The following ADGRV1 variants were observed in gnomAD, a reference collection of about 807,000 sequenced individuals.
ADGRV1 encodes adhesion G protein-coupled receptor V1.
ADGRV1 carries 359 observed loss-of-function variants against 596.2 expected under a neutral mutation model. That is an observed-to-expected ratio of 0.60 (90% CI 0.55 to 0.66). ADGRV1 has a LOEUF of 0.66. ADGRV1 is among the 30% of genes least tolerant of loss of function. The pLI is 0.00. For missense variants in ADGRV1, 7,274 were observed against 7,575.6 expected (o/e 0.96, Z 1.48); for synonymous variants, 2,681 against 2,679.2 (o/e 1.00, Z -0.02).
intron 85 of ADGRV1, among the ~76,000 whole-genome samples, chr5:91,043,887 A>T (rs1581882456): frequency 1.3e-5 from 2 of 151,604 alleles, no homozygotes; most frequent in South Asian, 2.1e-4. Flanking sequence ...TATTTTTTTT[A>T]AAACCTTGAC....
chr5:90,588,282 T>C (rs758905880), intron 1 of ADGRV1, among the ~76,000 whole-genome samples: 9 of 152,224 alleles, frequency 5.9e-5, no homozygotes, highest in Non-Finnish European at 1.3e-4. Context: ...GTGAGCATTC[T>C]CTGAATATAC....
Position 90,647,888 on chromosome 5 carries a change from A to AATTAT in ADGRV1, c.3289+125_3289+129dup. 3 of 767,566 alleles carry AATTAT rather than the reference A, an allele frequency of 3.9e-6. No individual in the cohort carries two copies. In the East Asian group the frequency reaches 7.9e-5, roughly 20 times the overall value. The allele number at this position is 767,566 out of a possible 1,614,324, so 47.5% of individuals were successfully genotyped here. A position where few individuals can be genotyped will look rare whatever the true frequency, so the allele number is the denominator to read the frequency against. ...CTACATTTGTACTATTCAAGAGTAA[A>AATTAT]ATTATTTCATTGCTTTCTTGAGAAA... On this transcript the variant is annotated intron_variant, in intron 17 of 89. Coordinates refer to ENST00000405460, the MANE Select transcript of ADGRV1 (RefSeq NM_032119.4).
intron 83 of ADGRV1, among the ~76,000 whole-genome samples, chr5:90,963,024 A>G (rs1469618984): frequency 1.3e-5 from 2 of 152,214 alleles, no homozygotes; most frequent in Non-Finnish European, 2.9e-5. Flanking sequence ...AACATATTCA[A>G]TTATAATTTG....
chr5:90,624,771 C>T (rs540812840), intron 5 of ADGRV1, among the ~76,000 whole-genome samples: 5 of 152,250 alleles, frequency 3.3e-5, no homozygotes, highest in African/African-American at 1.2e-4. Flanking sequence ...TTCTTCACAT[C>T]TTCACATCCA....
Position 90,651,636 on chromosome 5 carries a change from A to G in ADGRV1, c.3322A>G (p.Thr1108Ala), listed in dbSNP as rs1161827715. The part of the protein sequence containing the change: ...DTVVYQYGVA[T>A]VIIEANDDPN... ...AGTAGTATATCAATATGGAGTAGCT[A>G]CAGTAATAATTGAAGCTAATGATGA... The change falls in exon 18 of 90, where the codon ACA becomes GCA. Residue 1108 changes from threonine (T) to alanine (A), a missense_variant. This residue lies in a region of ADGRV1 where 1,715 missense variants were observed against 1,708.8 expected (regional missense o/e 1.00). Coordinates refer to ENST00000405460, the MANE Select transcript of ADGRV1 (RefSeq NM_032119.4). 2 of 1,603,820 alleles carry G rather than the reference A, an allele frequency of 1.2e-6. No homozygotes were observed. The highest frequency in any genetic ancestry group is 3.3e-5 in the Admixed American group (2 of 59,888).
chr5:91,134,027 C>A (rs555796945), intron 87 of ADGRV1, among the ~76,000 whole-genome samples: 1 of 152,036 alleles, frequency 6.6e-6, no homozygotes, highest in Admixed American at 6.6e-5. Context: ...CTATATCAAG[C>A]CTATTAATTT....
chr5:90,931,395 C>T (rs1041923704), intron 83 of ADGRV1, among the ~76,000 whole-genome samples: 14 of 152,174 alleles, frequency 9.2e-5, no homozygotes, highest in Non-Finnish European at 4.4e-5. Flanking sequence ...ATGTATCCAG[C>T]TCACTTAATG....
At chr5:90,884,648 G>A (rs1770112481) in intron 83 of ADGRV1, among the ~76,000 whole-genome samples, 1 of 152,130 alleles carries the variant, frequency 6.6e-6, no homozygotes, top group Non-Finnish European at 1.5e-5. Context: ...TCTTCCTTAT[G>A]TGCTTTGTGA....
chr5:90,811,543 A>G (rs1490442389), intron 74 of ADGRV1, among the ~76,000 whole-genome samples: 2 of 152,152 alleles, frequency 1.3e-5, no homozygotes, highest in East Asian at 1.9e-4. Context: ...TTAATGTACT[A>G]TAAATGTCAC....
chr5:91,158,428 TG>T (rs1796650738), intron 89 of ADGRV1, among the ~76,000 whole-genome samples: 1 of 152,182 alleles, frequency 6.6e-6, no homozygotes, highest in Admixed American at 6.5e-5. Flanking sequence ...ACCTACAAGG[TG>T]GAAAAAAGTT....
At chr5:90,808,137 C>T (rs1004042517) in intron 73 of ADGRV1, among the ~76,000 whole-genome samples, 2 of 152,178 alleles carry the variant, frequency 1.3e-5, no homozygotes, top group African/African-American at 4.8e-5. Flanking sequence ...TTATTTGGAC[C>T]AGTGGCCCTT....
rs881288 is a variant in ADGRV1, at chr5:90,763,078, A to G, written c.12121-227A>G. On this transcript the variant is annotated intron_variant, in intron 58 of 89. Transcript: ENST00000405460. ...CTATTCTCTGGGTCAGAATTCAGTC[A>G]CATGCTCTACCTAATTGCAAGAGAA... 2,034 of 434,092 alleles carry G rather than the reference A, an allele frequency of 4.7e-3. 34 individuals are homozygous for G. Among genetic ancestry groups the G allele is most frequent in the African/African-American group, 0.035 (1,792 of 50,796 alleles). 26.9% of individuals were successfully genotyped at this position (434,092 alleles called of 1,614,324 possible).
Position 90,750,636 on chromosome 5 carries a change from G to A in ADGRV1, c.11060G>A (p.Arg3687His), listed in dbSNP as rs762481926. Residue 3687 changes from arginine (R) to histidine (H), a missense_variant, in exon 53 of 90, where the codon CGT (arginine) becomes CAT (histidine). Physicochemically the swap from Arg to His is conservative, Grantham distance 29 (BLOSUM62 0). Around this residue, in one of 5 missense-constraint regions of ADGRV1, gnomAD observed 3,643 missense variants for 3,809.2 expected, o/e 0.96. Coordinates refer to ENST00000405460, the MANE Select transcript of ADGRV1 (RefSeq NM_032119.4). ...NVERLKGTYG[R>H]ITIAWEADGS... ...GAACGCTTAAAAGGAACATATGGCC[G>A]TATAACCATAGCATGGGAAGCTGAT... is the stretch of plus-strand genomic sequence containing the variant. 49 of 1,611,538 alleles carry A rather than the reference G, an allele frequency of 3.0e-5. No homozygotes were observed. Among genetic ancestry groups the A allele is most frequent in the South Asian group, 2.0e-4 (18 of 90,988 alleles).
chr5:90,958,287 A>G (rs1344363222), intron 83 of ADGRV1, among the ~76,000 whole-genome samples: 1 of 127,436 alleles, frequency 7.8e-6, no homozygotes, highest in Admixed American at 7.2e-5. Context: ...TTGTCTCAAA[A>G]AAAAAAAAAA....
intron 21 of ADGRV1, among the ~76,000 whole-genome samples, chr5:90,669,325 C>T (rs1309910230): frequency 6.6e-6 from 1 of 152,126 alleles, no homozygotes; most frequent in Non-Finnish European, 1.5e-5. Context: ...TTGGAGTGCC[C>T]TACCTTCAGG....
At chr5:90,636,475 A>G (rs150341776) in intron 10 of ADGRV1, among the ~76,000 whole-genome samples, 220 of 152,264 alleles carry the variant, frequency 1.4e-3, no homozygotes, top group African/African-American at 4.9e-3. Flanking sequence ...TTAAAACGGA[A>G]AAGCATTTAG....
chr5:91,130,308 G>A (rs1308568607), intron 87 of ADGRV1, among the ~76,000 whole-genome samples: 1 of 151,426 alleles, frequency 6.6e-6, no homozygotes, highest in Non-Finnish European at 1.5e-5. Flanking sequence ...GAGGTGGGTG[G>A]ATCACTTGAG....
chr5:91,110,353 T>C, intron 87 of ADGRV1, among the ~76,000 whole-genome samples: 1 of 152,200 alleles, frequency 6.6e-6, no homozygotes, highest in Non-Finnish European at 1.5e-5. Context: ...TGTTCCAGGC[T>C]TCCATCCACT....
At chr5:90,932,249 A>G (rs896283106) in intron 83 of ADGRV1, among the ~76,000 whole-genome samples, 6 of 152,072 alleles carry the variant, frequency 3.9e-5, no homozygotes, top group Admixed American at 1.3e-4. Flanking sequence ...TTTCGTGTAA[A>G]AGGTACTTTT....
Sources: allele counts gnomAD v4.1 joint callset (sites outside exome capture counted in the v4.1 genomes callset), GRCh38; gene constraint gnomAD v4.1.1; regional missense constraint gnomAD v4.1.1; transcripts MANE v1.5; gene names NCBI Gene and HGNC (gene_info 2026-07-23, HGNC 2026-07-21).